The following PCYT1B variants were observed in gnomAD, a reference collection of about 807,000 sequenced individuals.
PCYT1B encodes choline-phosphate cytidylyltransferase B.
Under a neutral mutation model 26.4 loss-of-function variants are expected in PCYT1B, and 10 were observed. The observed-to-expected ratio is 0.38, with a 90% CI of 0.23 to 0.64. The LOEUF (loss-of-function observed/expected upper bound fraction) is 0.64, where lower values mean the gene tolerates loss of function less well. Among genes scored for constraint, PCYT1B ranks in the 30% least tolerant of loss-of-function variants. PCYT1B has a pLI of 0.56. For synonymous variants in PCYT1B, 131 were observed against 108.4 expected (o/e 1.21, Z -1.29); for missense variants, 161 against 292.7 (o/e 0.55, Z 3.28).
In PCYT1B at chrX:24,561,681, A is replaced by G. The variant is rs1025246169; in HGVS notation, c.*612T>C. The stretch of plus-strand genomic sequence containing the variant: ...TGAATAAAAAGTTAAGGTTCACACT[A>G]GATGACCTTTTATAACCAGCCTAAA... On this transcript the variant is annotated 3_prime_UTR_variant, in exon 8 of 8. Coordinates refer to ENST00000379144, the MANE Select transcript of PCYT1B (RefSeq NM_004845.5). 6.5e-6 allele frequency: 1 copy of G among 152,694 alleles called. No homozygotes were observed. The highest frequency in any genetic ancestry group is 3.1e-5 in the African/African-American group (1 of 32,549). The allele number at this position is 152,694 out of a possible 1,213,427, so 12.6% of individuals were successfully genotyped here.
At chrX:24,634,770 C>A (rs964418894) in intron 1 of PCYT1B, among the ~76,000 whole-genome samples, 2 of 110,780 alleles carry the variant, frequency 1.8e-5, no homozygotes, top group African/African-American at 6.5e-5. Flanking sequence ...ACAACAACAA[C>A]AACAAAAACA....
intron 3 of PCYT1B, among the ~76,000 whole-genome samples, chrX:24,595,236 A>T (rs868751687): frequency 1.8e-5 from 2 of 109,105 alleles, no homozygotes; most frequent in South Asian, 8.1e-4. Context: ...AGCCAGAGCA[A>T]CTTGAGGGGT....
intron 1 of PCYT1B, among the ~76,000 whole-genome samples, chrX:24,652,553 C>T (rs1602209584): frequency 9.6e-6 from 1 of 104,672 alleles, no homozygotes; most frequent in East Asian, 3.0e-4. Context: ...GAGCGAAACT[C>T]CGTCTCAAAA....
At chrX:24,600,186 C>T (rs1924914583) in intron 3 of PCYT1B, among the ~76,000 whole-genome samples, 2 of 111,397 alleles carry the variant, frequency 1.8e-5, no homozygotes, top group African/African-American at 6.5e-5. Context: ...GGATTACAGG[C>T]GGGAGCCATT....
chrX:24,568,256 G>C (rs921646648), intron 7 of PCYT1B, among the ~76,000 whole-genome samples: 1 of 111,958 alleles, frequency 8.9e-6, no homozygotes, highest in Non-Finnish European at 1.9e-5. Flanking sequence ...AGCCAGTCTG[G>C]GTGCGATGGC....
intron 5 of PCYT1B, among the ~76,000 whole-genome samples, chrX:24,582,597 C>T (rs1369196454): frequency 8.9e-6 from 1 of 112,232 alleles, no homozygotes; most frequent in African/African-American, 3.2e-5. Context: ...AAACTTTCAA[C>T]AGTAGTAGGC....
At chrX:24,593,441 CTTTCTTTTCTTTTCTTTTCTTTTCT>C (rs200527762) in intron 3 of PCYT1B, among the ~76,000 whole-genome samples, 6,932 of 56,536 alleles carry the variant, frequency 0.12, 504 homozygotes, top group East Asian at 0.25. Flanking sequence ...TCCTTTCTTT[CTTTCTTTTCTTTTCTTTTCTTTTCT>C]TTTCTTTTCT....
At chrX:24,646,927 C>A in intron 1 of PCYT1B, 62 bp downstream of exon 1, 1 of 903,981 alleles carries the variant, frequency 1.1e-6, no homozygotes, top group Non-Finnish European at 1.6e-6. Flanking sequence ...TGGCTGCGGG[C>A]GCATAAGGAA....
At chrX:24,627,407 C>A (rs1925918159) in intron 1 of PCYT1B, among the ~76,000 whole-genome samples, 1 of 111,430 alleles carries the variant, frequency 9.0e-6, no homozygotes, top group Non-Finnish European at 1.9e-5. Context: ...GATCTCGGCT[C>A]ACTACAACCT....
At chrX:24,671,915 C>A (rs753981902) in intron 1 of PCYT1B, among the ~76,000 whole-genome samples, 11 of 112,446 alleles carry the variant, frequency 9.8e-5, no homozygotes, top group African/African-American at 3.5e-4. Context: ...AGTTGCATAA[C>A]ATTGAATTCA....
At chrX:24,650,294 G>A (rs902150496), upstream of PCYT1B, 2 of 106,723 alleles carry the variant, frequency 1.9e-5, no homozygotes, top group African/African-American at 6.9e-5. Flanking sequence ...AGAGTTTATT[G>A]GGGTAATGGA....
At chrX:24,613,695 G>A (rs1032409877) in intron 2 of PCYT1B, among the ~76,000 whole-genome samples, 41 of 110,707 alleles carry the variant, frequency 3.7e-4, no homozygotes, top group African/African-American at 1.3e-3. Context: ...GCTCATGCCT[G>A]TAATCCCAGC....
rs370063442 is a variant in PCYT1B at position 24,629,750 on chromosome X, G to C, written c.118-10666C>G. Among the ~76,000 whole-genome samples the C allele has an allele frequency of 2.2e-4, 24 of 109,515 alleles. No homozygotes were observed. In the South Asian group the frequency reaches 8.4e-3, roughly 38 times the overall value. Reference sequence around the variant, plus strand: ...TTTTTATTATGCCCTGGAGATACAGGCTTCCTTAAAACACTGACCACTTAT... The same window carrying C: ...TTTTTATTATGCCCTGGAGATACAGCCTTCCTTAAAACACTGACCACTTAT... On this transcript the variant is annotated intron_variant, in intron 1 of 7. Transcript: ENST00000379144.
At chrX:24,621,031 C>G (rs930828125) in intron 1 of PCYT1B, among the ~76,000 whole-genome samples, 1 of 112,211 alleles carries the variant, frequency 8.9e-6, no homozygotes, top group African/African-American at 3.2e-5. Context: ...CTTATTGACT[C>G]TTTCCATGTT....
At chrX:24,654,756 A>AAG (rs1359484578) in intron 1 of PCYT1B, among the ~76,000 whole-genome samples, 2 of 105,820 alleles carry the variant, frequency 1.9e-5, no homozygotes, top group Admixed American at 2.1e-4. Flanking sequence ...TCTCAAAAAA[A>AAG]AAAAAAAAAA....
At chrX:24,582,044 G>A (rs747740857) in intron 5 of PCYT1B, among the ~76,000 whole-genome samples, 13 of 112,413 alleles carry the variant, frequency 1.2e-4, no homozygotes, top group Admixed American at 2.8e-4. Context: ...GGCAGAAGAT[G>A]TAACCATCTA....
chrX:24,623,150 C>T (rs759104781), intron 1 of PCYT1B, among the ~76,000 whole-genome samples: 19 of 110,083 alleles, frequency 1.7e-4, no homozygotes, highest in Non-Finnish European at 3.0e-4. Flanking sequence ...GAAGAATGAC[C>T]GTTTTAGAAT....
Position 24,561,752 on chromosome X carries a change from G to T in PCYT1B, c.*541C>A, listed in dbSNP as rs967360245. On this transcript the variant is annotated 3_prime_UTR_variant, in exon 8 of 8. Transcript: ENST00000379144. ...CACATTCATGGAACTGGAAGGAGCT[G>T]ATGCGTTCCAACATCAGGTCTCAGT... is the stretch of plus-strand genomic sequence containing the variant. 3.7e-6 allele frequency: 1 copy of T among 271,161 alleles called. No homozygotes were observed. Among genetic ancestry groups the T allele is most frequent in the Non-Finnish European group, 6.6e-6 (1 of 151,294 alleles). The allele number at this position is 271,161 out of a possible 1,213,427, so 22.3% of individuals were successfully genotyped here. A position where few individuals can be genotyped will look rare whatever the true frequency, so the allele number is the denominator to read the frequency against.
At chrX:24,564,643 C>T (rs751526518) in intron 7 of PCYT1B, among the ~76,000 whole-genome samples, 6 of 111,048 alleles carry the variant, frequency 5.4e-5, no homozygotes, top group South Asian at 7.7e-4. Context: ...TGAGCCACCG[C>T]GCCCGGCCAG....
Sources: gnomAD v4.1 joint callset for allele counts (sites outside exome capture counted in the v4.1 genomes callset) on GRCh38, gnomAD v4.1.1 for gene constraint, MANE v1.5 for transcripts, NCBI Gene and HGNC (gene_info 2026-07-23, HGNC 2026-07-21) for gene names.